Variants in ST14 observed in about 807,000 individuals in gnomAD.
ST14 encodes ST14 transmembrane serine protease matriptase.
ST14 carries 40 observed loss-of-function variants against 96.5 expected under a neutral mutation model. The ratio of observed to expected loss-of-function variants is 0.41; its 90% confidence interval spans 0.32 to 0.54. The LOEUF (loss-of-function observed/expected upper bound fraction) is 0.54. ST14 is among the 20% of genes least tolerant of loss of function. The pLI is 0.17. For synonymous variants in ST14, 506 were observed against 492.1 expected (o/e 1.03, Z -0.37); for missense variants, 1,066 against 1,188.9 (o/e 0.90, Z 1.52).
At chr11:130,198,456 G>A (rs1953391994) in intron 13 of ST14, 38 bp downstream of exon 13, 2 of 1,613,114 alleles carry the variant, frequency 1.2e-6, no homozygotes, top group Non-Finnish European at 1.7e-6. Flanking sequence ...CGGGCAGGTG[G>A]GCGGGGCGAC....
intron 5 of ST14, 31 bp from the exon 6 acceptor site, chr11:130,190,082 G>A: frequency 6.2e-7 from 1 of 1,614,132 alleles, no homozygotes; most frequent in Non-Finnish European, 8.5e-7. Flanking sequence ...ATTGTATCAG[G>A]AAATGCTTTA....
intron 7 of ST14, among the ~76,000 whole-genome samples, chr11:130,191,729 C>T (rs1953305061): frequency 6.7e-6 from 1 of 148,710 alleles, no homozygotes; most frequent in African/African-American, 2.5e-5. Context: ...ATATGGTTTA[C>T]ACAGAAAAGG....
intron 7 of ST14, among the ~76,000 whole-genome samples, chr11:130,191,136 A>C (rs535518623): frequency 1.9e-4 from 29 of 151,972 alleles, no homozygotes; most frequent in African/African-American, 5.3e-4. Flanking sequence ...GGATCTCTTG[A>C]GGCCAGGAGT....
intron 1 of ST14, among the ~76,000 whole-genome samples, chr11:130,165,264 T>A (rs998220945): frequency 2.6e-5 from 4 of 152,300 alleles, no homozygotes; most frequent in Admixed American, 1.3e-4. Flanking sequence ...CAGATTTGGG[T>A]AAGAAACTGG....
intron 8 of ST14, 130 bp from the exon 9 acceptor site, chr11:130,194,510 G>A: frequency 3.4e-6 from 4 of 1,164,152 alleles, no homozygotes; most frequent in Non-Finnish European, 5.0e-6. Flanking sequence ...GGCCTTCCTG[G>A]CTGTGCACCT....
chr11:130,198,418 A>G lies in ST14; in HGVS notation c.1570A>G (p.Ser524Gly), dbSNP rs757119225. The change falls in exon 13 of 19, where the codon AGT becomes GGT. Residue 524 changes from serine (S) to glycine (G), a missense_variant and splice_region_variant. By Grantham distance (56) the Ser-to-Gly change is moderately conservative. Transcript: ENST00000278742. Reference sequence around the variant, plus strand: ...AGACAACAGCGACGAGCAGGGGTGCAGTGAGTGCTGGGGAGGGGCTGCCTG... The same window carrying G: ...AGACAACAGCGACGAGCAGGGGTGCGGTGAGTGCTGGGGAGGGGCTGCCTG... ...CGDNSDEQGC[S>G]CPAQTFRCSN... 7.5e-6 allele frequency: 12 copies of G among 1,605,774 alleles called. No homozygotes were observed. Among genetic ancestry groups the G allele is most frequent in the Middle Eastern group, 1.7e-4 (1 of 6,042 alleles).
chr11:130,197,039 C>T (rs762684704), intron 11 of ST14, among the ~76,000 whole-genome samples: 26 of 152,264 alleles, frequency 1.7e-4, no homozygotes, highest in Admixed American at 4.6e-4. Context: ...GCCTCTGTGG[C>T]CTGTTAGCAC....
rs1953249729 is a variant in ST14 at position 130,187,597 on chromosome 11, T to C, written c.82-517T>C. Among the ~76,000 whole-genome samples the C allele has an allele frequency of 2.0e-5, 3 of 152,080 alleles. No individual in the cohort carries two copies. The highest frequency in any genetic ancestry group is 7.2e-5 in the African/African-American group (3 of 41,408). On this transcript the variant is annotated intron_variant, in intron 1 of 18. Coordinates refer to ENST00000278742, the MANE Select transcript of ST14 (RefSeq NM_021978.4). The surrounding 1 kb of genome is among the most constrained non-coding windows in gnomAD (Gnocchi z 4.5). ...CAAGGCCGCTGGGTAGGGTGTGCAG[T>C]TGAGTGCTGGCCACAGGCTCCTGGG...
At position 130,176,788 on chromosome 11, in the gene ST14, C is replaced by CTTTTTT. The variant is rs56764956; in HGVS notation, c.82-11303_82-11298dup. 1.4e-4 allele frequency among the ~76,000 whole-genome samples: 8 copies of CTTTTTT among 59,244 alleles called. 2 individuals carry two copies. The highest frequency in any genetic ancestry group is 2.7e-4 in the Non-Finnish European group (8 of 29,562). The allele number at this position is 59,244 out of a possible 152,430, so 38.9% of individuals were successfully genotyped here. A position where few individuals can be genotyped will look rare whatever the true frequency, so the allele number is the denominator to read the frequency against. ...AGGGATTTTTTCTTTTAGGGCTTAA[C>CTTTTTT]TTTTTTTTTTTTTTTTTTTTTTTTT... On this transcript the variant is annotated intron_variant, in intron 1 of 18. Coordinates refer to ENST00000278742, the MANE Select transcript of ST14 (RefSeq NM_021978.4).
chr11:130,195,705 TAGCCGGG>T, intron 9 of ST14, among the ~76,000 whole-genome samples: 1 of 150,620 alleles, frequency 6.6e-6, no homozygotes, highest in East Asian at 2.0e-4. Context: ...ATACAAAAAT[TAGCCGGG>T]TGTGATGGCG....
At chr11:130,206,253 C>G (rs941738857) in intron 16 of ST14, among the ~76,000 whole-genome samples, 20 of 152,168 alleles carry the variant, frequency 1.3e-4, no homozygotes, top group African/African-American at 4.6e-4. Flanking sequence ...GTACCCTACT[C>G]GGGGAGAGCA....
chr11:130,171,071 G>T (rs971979087), intron 1 of ST14, among the ~76,000 whole-genome samples: 1 of 152,150 alleles, frequency 6.6e-6, no homozygotes, highest in Admixed American at 6.5e-5. Flanking sequence ...TGCTTATCAC[G>T]AATGACAGCA....
chr11:130,184,005 C>T (rs1591884676), intron 1 of ST14, among the ~76,000 whole-genome samples: 1 of 152,208 alleles, frequency 6.6e-6, no homozygotes, highest in Non-Finnish European at 1.5e-5. Flanking sequence ...TCAGAGGAAT[C>T]GTGCGGAGTG....
At position 130,208,360 on chromosome 11, in the gene ST14, G is replaced by A. The variant is rs373982310; in HGVS notation, c.1995-50G>A. ...GGAACGCGCGGGGCCGCGAGGCCGT[G>A]TGCACAGACCCGAGTGACCGCGCAG... is the stretch of plus-strand genomic sequence containing the variant. On this transcript the variant is annotated intron_variant, in intron 16 of 18. Transcript: ENST00000278742. 5.6e-6 allele frequency: 9 copies of A among 1,613,136 alleles called. No individual in the cohort carries two copies. The African/African-American group carries it at 8.0e-5, about 14-fold the overall frequency.
chr11:130,206,118 T>C (rs1022933878), intron 16 of ST14, among the ~76,000 whole-genome samples: 1 of 152,230 alleles, frequency 6.6e-6, no homozygotes, highest in African/African-American at 2.4e-5. Context: ...TTTTATTTTT[T>C]GGTTTTTTAT....
rs1207420622 is a variant in ST14 at position 130,159,879 on chromosome 11, A to C, written c.-101A>C. ...GGTCGGGCGCGCTGGGCCTGCCCGG[A>C]ATCCCGCCGCCTGCGCCCCGCGCCC... On this transcript the variant is annotated 5_prime_UTR_variant, in exon 1 of 19. Coordinates refer to ENST00000278742, the MANE Select transcript of ST14 (RefSeq NM_021978.4). 2 of 626,312 alleles carry C rather than the reference A, an allele frequency of 3.2e-6. No individual in the cohort carries two copies. The highest frequency in any genetic ancestry group is 4.4e-6 in the Non-Finnish European group (2 of 454,814). The allele number at this position is 626,312 out of a possible 1,614,324, so 38.8% of individuals were successfully genotyped here. A position where few individuals can be genotyped will look rare whatever the true frequency, so the allele number is the denominator to read the frequency against.
chr11:130,193,130 C>T (rs1953321675), intron 7 of ST14, among the ~76,000 whole-genome samples: 1 of 151,512 alleles, frequency 6.6e-6, no homozygotes, highest in Non-Finnish European at 1.5e-5. Context: ...TCCTTGTCAC[C>T]CAGGCTGGAG....
intron 16 of ST14, among the ~76,000 whole-genome samples, chr11:130,200,985 A>G (rs1953421283): frequency 6.6e-6 from 1 of 152,210 alleles, no homozygotes; most frequent in African/African-American, 2.4e-5. Flanking sequence ...CAAACTTCCT[A>G]GGCCTTGGGT....
At chr11:130,200,181 T>C (rs1378109194) in intron 16 of ST14, 44 bp downstream of exon 16, 1 of 1,607,632 alleles carries the variant, frequency 6.2e-7, no homozygotes, top group South Asian at 1.1e-5. Context: ...TGCTGGCCCT[T>C]TGCATCTGGG....
Sources: allele counts gnomAD v4.1 joint callset (sites outside exome capture counted in the v4.1 genomes callset), GRCh38; gene constraint gnomAD v4.1.1; non-coding constraint Gnocchi (gnomAD v3.1); transcripts MANE v1.5; gene names NCBI Gene and HGNC (gene_info 2026-07-23, HGNC 2026-07-21).